ZNF385D: variants seen among roughly 807,000 people sequenced by gnomAD.
ZNF385D encodes zinc finger protein 385D, also known as zinc finger protein 659.
In ZNF385D, 15 loss-of-function variants were observed where a neutral mutation model predicts 35.8. That is an observed-to-expected ratio of 0.42 (90% CI 0.28 to 0.64). ZNF385D has a LOEUF of 0.64. Among genes scored for constraint, ZNF385D ranks in the 30% least tolerant of loss-of-function variants. ZNF385D has a pLI of 0.23. For missense variants in ZNF385D, 474 were observed against 494.6 expected, an observed-to-expected ratio of 0.96 and a Z score of 0.39; for synonymous variants, 212 against 186.8, an observed-to-expected ratio of 1.13 and a Z score of -1.10.
chr3:21,517,736 C>T (rs1436052643), intron 3 of ZNF385D, among the ~76,000 whole-genome samples: 1 of 152,154 alleles, frequency 6.6e-6, no homozygotes, highest in Non-Finnish European at 1.5e-5. Context: ...GATCAGTATG[C>T]ATTCTAATTA....
chr3:21,701,388 G>C (rs1009721290), intron 1 of ZNF385D, among the ~76,000 whole-genome samples: 4 of 152,162 alleles, frequency 2.6e-5, no homozygotes, highest in African/African-American at 7.2e-5. Flanking sequence ...CATGAGAATA[G>C]CACGGGAAAG....
intron 3 of ZNF385D, among the ~76,000 whole-genome samples, chr3:22,138,792 G>A (rs953387871): frequency 1.3e-5 from 2 of 152,028 alleles, no homozygotes; most frequent in Non-Finnish European, 2.9e-5. Flanking sequence ...AAAAGCAATG[G>A]CAACAAAAGC....
In ZNF385D at chr3:22,209,062, A is replaced by G. The variant is rs1697344855; in HGVS notation, c.107-40027T>C. ...GCCACCTGGAGTCACTGAAAATTGTATTACAGCACAGAACTGCAGGCCATA... is the reference window on the plus strand; with the variant it reads ...GCCACCTGGAGTCACTGAAAATTGTGTTACAGCACAGAACTGCAGGCCATA... On this transcript the variant is annotated intron_variant, in intron 2 of 5. Coordinates refer to the ZNF385D transcript ENST00000494108. Among the ~76,000 whole-genome samples, 4 of 151,866 alleles carry G rather than the reference A, an allele frequency of 2.6e-5. No individual in the cohort carries two copies. The South Asian group carries it at 8.3e-4, about 31-fold the overall frequency.
chr3:21,518,796 T>C (rs1290021246), intron 3 of ZNF385D, among the ~76,000 whole-genome samples: 1 of 152,172 alleles, frequency 6.6e-6, no homozygotes, highest in East Asian at 1.9e-4. Context: ...GAATAGTTCA[T>C]TGTTATAAAA....
chr3:21,920,577 A>G (rs1700407115), intron 3 of ZNF385D, among the ~76,000 whole-genome samples: 1 of 151,514 alleles, frequency 6.6e-6, no homozygotes, highest in Non-Finnish European at 1.5e-5. Flanking sequence ...TCATTCTGGA[A>G]GAATGCATTT....
intron 3 of ZNF385D, among the ~76,000 whole-genome samples, chr3:21,777,940 A>C (rs549740008): frequency 1.1e-4 from 17 of 152,008 alleles, no homozygotes; most frequent in Non-Finnish European, 2.1e-4. Context: ...GTCCAGCTGA[A>C]GCAAACCCAT....
intron 3 of ZNF385D, among the ~76,000 whole-genome samples, chr3:22,027,653 C>A (rs964264773): frequency 6.6e-6 from 1 of 152,270 alleles, no homozygotes; most frequent in African/African-American, 2.4e-5. Context: ...GCTTTCTGAC[C>A]TGTCTAGCCA....
chr3:21,589,402 A>G (rs1241085877), intron 2 of ZNF385D, among the ~76,000 whole-genome samples: 1 of 152,218 alleles, frequency 6.6e-6, no homozygotes, highest in Non-Finnish European at 1.5e-5. Context: ...AAATAAAGAA[A>G]TGAATTTTGT....
chr3:22,027,871 G>T (rs974277890), intron 3 of ZNF385D, among the ~76,000 whole-genome samples: 4 of 152,112 alleles, frequency 2.6e-5, no homozygotes, highest in Non-Finnish European at 5.9e-5. Context: ...AGAAGACTAG[G>T]GCCTGGTTCA....
intron 3 of ZNF385D, among the ~76,000 whole-genome samples, chr3:21,884,532 T>C (rs186391016): frequency 3.9e-5 from 6 of 152,136 alleles, no homozygotes; most frequent in African/African-American, 1.4e-4. Context: ...TGTTCAGAAA[T>C]TGTATAAGCC....
At chr3:21,444,767 G>A (rs1462502828) in intron 4 of ZNF385D, among the ~76,000 whole-genome samples, 1 of 151,972 alleles carries the variant, frequency 6.6e-6, no homozygotes, top group East Asian at 1.9e-4. Flanking sequence ...ATTTGAGAGG[G>A]CAATGTGAGA....
intron 4 of ZNF385D, among the ~76,000 whole-genome samples, chr3:21,468,780 C>T (rs1220727780): frequency 6.6e-6 from 1 of 151,964 alleles, no homozygotes; most frequent in Non-Finnish European, 1.5e-5. Context: ...AAAAATTAGC[C>T]GGGCGTAGTG....
At chr3:22,314,024 C>T (rs1338027291) in intron 2 of ZNF385D, among the ~76,000 whole-genome samples, 1 of 152,146 alleles carries the variant, frequency 6.6e-6, no homozygotes, top group African/African-American at 2.4e-5. Context: ...AATGGCAGTG[C>T]TTCTCACTCT....
At chr3:21,667,946 C>CAT (rs1432241768) in intron 1 of ZNF385D, among the ~76,000 whole-genome samples, 1 of 152,076 alleles carries the variant, frequency 6.6e-6, no homozygotes, top group African/African-American at 2.4e-5. Context: ...AAAGAAGAGT[C>CAT]ATAAAAACCT....
At chr3:21,994,335 A>G (rs558009373) in intron 3 of ZNF385D, among the ~76,000 whole-genome samples, 7 of 152,210 alleles carry the variant, frequency 4.6e-5, no homozygotes, top group Admixed American at 1.3e-4. Flanking sequence ...AAGTTTATCT[A>G]TTGTACTTGT....
chr3:22,356,332 C>G (rs1696147159), intron 2 of ZNF385D, among the ~76,000 whole-genome samples: 1 of 151,944 alleles, frequency 6.6e-6, no homozygotes, highest in Non-Finnish European at 1.5e-5. Flanking sequence ...TTTGTATATG[C>G]TGTTGTTTCA....
chr3:21,611,761 T>A (rs1352837225), intron 2 of ZNF385D, among the ~76,000 whole-genome samples: 1 of 152,070 alleles, frequency 6.6e-6, no homozygotes, highest in East Asian at 1.9e-4. Context: ...GATACCACAT[T>A]GAGTCTTGTT....
At chr3:21,473,055 A>G (rs1468555578) in intron 4 of ZNF385D, among the ~76,000 whole-genome samples, 2 of 152,120 alleles carry the variant, frequency 1.3e-5, no homozygotes, top group African/African-American at 4.8e-5. Flanking sequence ...AATCACCTTC[A>G]ATCACCTTGA....
At chr3:21,905,228 A>AAAAC (rs1264527119) in intron 3 of ZNF385D, among the ~76,000 whole-genome samples, 126 of 146,772 alleles carry the variant, frequency 8.6e-4, no homozygotes, top group Non-Finnish European at 1.1e-3. Flanking sequence ...AAAAAAAAAA[A>AAAAC]CCCTAAACCT....
Sources: allele counts gnomAD v4.1 joint callset (sites outside exome capture counted in the v4.1 genomes callset), GRCh38; gene constraint gnomAD v4.1.1; transcripts MANE v1.5; gene names NCBI Gene and HGNC (gene_info 2026-07-23, HGNC 2026-07-21).